FRY: variants seen among roughly 807,000 people sequenced by gnomAD.
The protein encoded by FRY is FRY microtubule binding protein.
Under a neutral mutation model 348.4 loss-of-function variants are expected in FRY, and 128 were observed. The ratio of observed to expected loss-of-function variants is 0.37; its 90% CI spans 0.32 to 0.43. The LOEUF is 0.43. FRY is among the 20% of genes least tolerant of loss of function. FRY has a pLI of 1.00. For synonymous variants in FRY, 1,370 were observed against 1,374.7 expected, an observed-to-expected ratio of 1.00 and a Z score of 0.08; for missense variants, 2,736 against 3,695.2, an observed-to-expected ratio of 0.74 and a Z score of 6.73.
rs1188189013 is a variant in FRY, at chr13:32,173,427, C to A, written c.2212C>A (p.Leu738Ile). ...GGAACGAGGTCCCCACTGCAGTGTA[C>A]TCCACGCTGTAGAAGGTTTTGCTCT... ...QSERGPHCSV[L>I]HAVEGFALVL... The change falls in exon 19 of 61, where the codon CTC becomes ATC. Residue 738 changes from leucine to isoleucine, a missense_variant. Physicochemically the swap from Leu to Ile is conservative, Grantham distance 5. This residue lies in a region of FRY where 449 missense variants were observed against 576.9 expected (regional missense o/e 0.78). Transcript: ENST00000542859. 2 of 1,612,428 alleles carry A rather than the reference C, an allele frequency of 1.2e-6. No homozygotes were observed. Among genetic ancestry groups the A allele is most frequent in the Non-Finnish European group, 1.7e-6 (2 of 1,179,630 alleles).
At chr13:32,093,617 C>T (rs1876483533) in intron 2 of FRY, among the ~76,000 whole-genome samples, 1 of 152,302 alleles carries the variant, frequency 6.6e-6, no homozygotes, top group Non-Finnish European at 1.5e-5. Flanking sequence ...ATACTGCTTT[C>T]TTCCATCAGA....
chr13:32,267,579 C>T (rs939939556), intron 55 of FRY, among the ~76,000 whole-genome samples: 16 of 152,274 alleles, frequency 1.1e-4, no homozygotes, highest in African/African-American at 3.9e-4. Flanking sequence ...CCATGAAGTA[C>T]CTTTCATTCC....
chr13:32,122,929 CT>C (rs1441460431), intron 4 of FRY, among the ~76,000 whole-genome samples: 1 of 143,900 alleles, frequency 6.9e-6, no homozygotes, highest in African/African-American at 2.6e-5. Context: ...AACTCAACCC[CT>C]TTTACAATAG....
chr13:32,034,196 A>G (rs1050922743), intron 1 of FRY, among the ~76,000 whole-genome samples: 12 of 152,238 alleles, frequency 7.9e-5, no homozygotes, highest in East Asian at 7.7e-4. Context: ...AACAAACTCT[A>G]TAACTATGAC....
intron 10 of FRY, among the ~76,000 whole-genome samples, chr13:32,136,040 A>T (rs1033180285): frequency 1.4e-4 from 14 of 100,846 alleles, no homozygotes; most frequent in Non-Finnish European, 2.7e-4. Flanking sequence ...AAGTTAATTT[A>T]AAAAAAAACG....
intron 1 of FRY, among the ~76,000 whole-genome samples, chr13:32,052,798 A>C (rs897705861): frequency 6.6e-5 from 10 of 152,228 alleles, no homozygotes. Context: ...TTTGAATTTA[A>C]ATTAATTACA....
At chr13:32,236,508 A>C (rs1052665803) in intron 43 of FRY, among the ~76,000 whole-genome samples, 1 of 152,152 alleles carries the variant, frequency 6.6e-6, no homozygotes, top group Non-Finnish European at 1.5e-5. Context: ...TATTTATTAC[A>C]TTGGTAAAGA....
intron 41 of FRY, among the ~76,000 whole-genome samples, chr13:32,234,372 G>A (rs775002107): frequency 6.6e-6 from 1 of 151,918 alleles, no homozygotes; most frequent in Admixed American, 6.6e-5. Flanking sequence ...GCAGTGAGCC[G>A]TGATCATGCC....
chr13:32,093,384 TC>T (rs1876464735), intron 2 of FRY, among the ~76,000 whole-genome samples: 1 of 152,048 alleles, frequency 6.6e-6, no homozygotes, highest in Admixed American at 6.6e-5. Flanking sequence ...ATCAACAGAC[TC>T]CCCCTCCATT....
intron 11 of FRY, among the ~76,000 whole-genome samples, chr13:32,141,644 T>C (rs1880078362): frequency 6.6e-6 from 1 of 152,196 alleles, no homozygotes; most frequent in African/African-American, 2.4e-5. Flanking sequence ...ACAGGTGACT[T>C]GGTGCAAATA....
At chr13:32,265,912 G>A (rs552224157) in intron 54 of FRY, among the ~76,000 whole-genome samples, 3 of 152,158 alleles carry the variant, frequency 2.0e-5, no homozygotes, top group Admixed American at 6.5e-5. Context: ...TTGAAGATAA[G>A]CAACACTTGG....
At chr13:32,108,499 G>C (rs1461706580) in intron 3 of FRY, among the ~76,000 whole-genome samples, 1 of 152,098 alleles carries the variant, frequency 6.6e-6, no homozygotes, top group East Asian at 1.9e-4. Context: ...TCAAAAACAG[G>C]CAAAAATATG....
At chr13:32,097,756 T>C (rs945646026) in intron 2 of FRY, among the ~76,000 whole-genome samples, 1 of 151,960 alleles carries the variant, frequency 6.6e-6, no homozygotes, top group Non-Finnish European at 1.5e-5. Flanking sequence ...ATTACTATCT[T>C]ATATGTTTGG....
At chr13:32,052,575 A>T (rs1593562059) in intron 1 of FRY, among the ~76,000 whole-genome samples, 1 of 152,198 alleles carries the variant, frequency 6.6e-6, no homozygotes, top group East Asian at 1.9e-4. Context: ...CTATTAATAA[A>T]ATATTTTACC....
chr13:32,127,950 T>C (rs968557542), intron 7 of FRY, among the ~76,000 whole-genome samples: 2 of 152,236 alleles, frequency 1.3e-5, no homozygotes, highest in African/African-American at 4.8e-5. Context: ...TTCCTTAGTA[T>C]CGTGTCATCT....
intron 29 of FRY, among the ~76,000 whole-genome samples, chr13:32,197,561 C>G (rs147503141): frequency 6.6e-6 from 1 of 152,190 alleles, no homozygotes; most frequent in Non-Finnish European, 1.5e-5. Context: ...GAACAAGTTA[C>G]TGCAGTTGCC....
intron 14 of FRY, among the ~76,000 whole-genome samples, chr13:32,154,016 G>T (rs1302829429): frequency 1.3e-5 from 2 of 152,110 alleles, no homozygotes; most frequent in Non-Finnish European, 2.9e-5. Flanking sequence ...CCGGGAAAAG[G>T]AAAACTTAGA....
At chr13:32,201,363 G>A (rs559141762) in intron 29 of FRY, among the ~76,000 whole-genome samples, 2 of 152,152 alleles carry the variant, frequency 1.3e-5, no homozygotes, top group African/African-American at 2.4e-5. Flanking sequence ...CAGGATTCTC[G>A]TAGCATGCTG....
Position 32,294,574 on chromosome 13 carries a change from A to G in FRY, c.8783+4A>G. 1 of 1,609,932 alleles carries G rather than the reference A, an allele frequency of 6.2e-7. No homozygotes were observed. The highest frequency in any genetic ancestry group is 2.2e-5 in the East Asian group (1 of 44,842). ...TGCGGCAGATCAGGGAGTGCAGGTG[A>G]CTCTGCTATTTCTTTTAGAGGTGGT... On this transcript the variant is annotated splice_donor_region_variant and intron_variant, in intron 60 of 60. Transcript: ENST00000542859.
Sources: allele counts gnomAD v4.1 joint callset (sites outside exome capture counted in the v4.1 genomes callset), GRCh38; gene constraint gnomAD v4.1.1; regional missense constraint gnomAD v4.1.1; transcripts MANE v1.5; gene names NCBI Gene and HGNC (gene_info 2026-07-23, HGNC 2026-07-21).